Variants in SKAP1 observed in about 807,000 individuals in gnomAD.
The protein encoded by SKAP1 is src kinase-associated phosphoprotein 1.
SKAP1 carries 44 observed loss-of-function variants against 58.5 expected under a neutral mutation model. The ratio of observed to expected loss-of-function variants is 0.75; its 90% CI spans 0.59 to 0.97. The LOEUF (loss-of-function observed/expected upper bound fraction) is 0.97. SKAP1 is among the 50% of genes least tolerant of loss of function. The pLI is 0.00. For missense variants in SKAP1, 390 were observed against 435.2 expected, an observed-to-expected ratio of 0.90 and a Z score of 0.92; for synonymous variants, 127 against 149.7, an observed-to-expected ratio of 0.85 and a Z score of 1.11.
intron 4 of SKAP1, among the ~76,000 whole-genome samples, chr17:48,223,086 A>T (rs936526806): frequency 6.9e-5 from 10 of 145,956 alleles, no homozygotes; most frequent in Admixed American, 6.8e-4. Flanking sequence ...AAAAAAAAAA[A>T]GCCCTCTTAA....
chr17:48,291,969 G>A (rs1022029838), intron 4 of SKAP1, among the ~76,000 whole-genome samples: 1 of 151,986 alleles, frequency 6.6e-6, no homozygotes, highest in African/African-American at 2.4e-5. Context: ...TGTTAGCTTT[G>A]GAGATCCACT....
chr17:48,257,628 C>CTTTTTTTTTTTTTTTTT (rs56225931), intron 4 of SKAP1, among the ~76,000 whole-genome samples: 3 of 111,150 alleles, frequency 2.7e-5, no homozygotes, highest in East Asian at 3.0e-4. Flanking sequence ...TTCTTTCTTT[C>CTTTTTTTTTTTTTTTTT]TTTTTTTTTT....
At chr17:48,162,746 G>A (rs1447214066) in intron 10 of SKAP1, 177 bp from the exon 11 acceptor site, 1 of 504,944 alleles carries the variant, frequency 2.0e-6, no homozygotes, top group Non-Finnish European at 3.5e-6. Context: ...TATGGGAGAA[G>A]GAGATCATTA....
rs1013864040 is a variant in SKAP1 at position 48,304,717 on chromosome 17, C to T, written c.280+41188G>A. ...GTAGTATTTGTTTTCCAAAGACAAG[C>T]TATGGGAAGTCTTGTTTTCCAAGGC... On this transcript the variant is annotated intron_variant, in intron 4 of 12. Transcript: ENST00000336915. Among the ~76,000 whole-genome samples, 3 of 152,142 alleles carry T rather than the reference C, an allele frequency of 2.0e-5. No individual in the cohort carries two copies. The East Asian group carries it at 5.8e-4, about 29-fold the overall frequency.
chr17:48,212,943 T>C (rs924574861), intron 4 of SKAP1, among the ~76,000 whole-genome samples: 1 of 152,202 alleles, frequency 6.6e-6, no homozygotes. Flanking sequence ...TTCTGTTCCA[T>C]GTCTAGTTGA....
chr17:48,287,079 A>G (rs1239402072), intron 4 of SKAP1, among the ~76,000 whole-genome samples: 3 of 150,948 alleles, frequency 2.0e-5, no homozygotes, highest in Non-Finnish European at 4.4e-5. Context: ...TCTGGGCGAC[A>G]GAGCAAGACT....
At chr17:48,385,354 TA>T (rs2067262873) in intron 2 of SKAP1, among the ~76,000 whole-genome samples, 2 of 151,804 alleles carry the variant, frequency 1.3e-5, no homozygotes. Flanking sequence ...AGACAGTAGC[TA>T]AAGAGGGAAT....
chr17:48,200,570 G>T (rs1446151002), intron 4 of SKAP1, among the ~76,000 whole-genome samples: 1 of 152,020 alleles, frequency 6.6e-6, no homozygotes, highest in Non-Finnish European at 1.5e-5. Context: ...TAGAGACGGG[G>T]TTTCACCATG....
intron 4 of SKAP1, among the ~76,000 whole-genome samples, chr17:48,336,002 T>C (rs969627369): frequency 2.0e-5 from 3 of 152,178 alleles, no homozygotes; most frequent in Non-Finnish European, 4.4e-5. Context: ...AACTTACATA[T>C]CTTAGCCTTC....
intron 4 of SKAP1, among the ~76,000 whole-genome samples, chr17:48,236,834 G>A (rs915070098): frequency 1.3e-5 from 2 of 152,172 alleles, no homozygotes; most frequent in African/African-American, 4.8e-5. Context: ...GAGAGTCACA[G>A]GAAATGAGGT....
At chr17:48,288,172 T>TA (rs779754130) in intron 4 of SKAP1, among the ~76,000 whole-genome samples, 13 of 152,232 alleles carry the variant, frequency 8.5e-5, no homozygotes, top group South Asian at 2.1e-4. Context: ...AGACAAGTGG[T>TA]AACATTTAAT....
At chr17:48,353,295 A>C (rs940357211) in intron 3 of SKAP1, among the ~76,000 whole-genome samples, 1 of 152,154 alleles carries the variant, frequency 6.6e-6, no homozygotes, top group Non-Finnish European at 1.5e-5. Flanking sequence ...TATAGCATTG[A>C]CCTGGCTTGG....
intron 10 of SKAP1, among the ~76,000 whole-genome samples, chr17:48,165,369 C>CTTTCT (rs1212832597): frequency 7.1e-6 from 1 of 140,078 alleles, no homozygotes; most frequent in Non-Finnish European, 1.5e-5. Flanking sequence ...GGAGACTTTG[C>CTTTCT]TTTCTTTTCT....
intron 4 of SKAP1, among the ~76,000 whole-genome samples, chr17:48,302,947 G>A (rs545610161): frequency 4.6e-4 from 70 of 152,226 alleles, no homozygotes; most frequent in African/African-American, 1.6e-3. Flanking sequence ...TTAAAAGAGT[G>A]AGCTGTGTTT....
intron 4 of SKAP1, among the ~76,000 whole-genome samples, chr17:48,201,887 T>C (rs1055903033): frequency 6.6e-6 from 1 of 152,258 alleles, no homozygotes; most frequent in Admixed American, 6.5e-5. Flanking sequence ...CTATAGACTT[T>C]GAGTGGCTGA....
intron 1 of SKAP1, among the ~76,000 whole-genome samples, chr17:48,427,480 T>A (rs1056849521): frequency 2.0e-5 from 3 of 152,088 alleles, no homozygotes; most frequent in Non-Finnish European, 4.4e-5. Flanking sequence ...TTTTTAGAAG[T>A]GAGGTTTCTA....
intron 10 of SKAP1, among the ~76,000 whole-genome samples, chr17:48,165,973 C>T (rs1308928357): frequency 6.6e-5 from 10 of 152,070 alleles, no homozygotes; most frequent in South Asian, 2.1e-4. Flanking sequence ...AATGTCTCTC[C>T]GAAAAACATA....
chr17:48,187,887 C>T lies in SKAP1; in HGVS notation c.398G>A (p.Cys133Tyr). 6.2e-7 allele frequency: 1 copy of T among 1,614,066 alleles called. No individual in the cohort carries two copies. Among genetic ancestry groups the T allele is most frequent in the Non-Finnish European group, 8.5e-7 (1 of 1,179,934 alleles). The change falls in exon 6 of 13, where the codon TGT (cysteine) becomes TAT (tyrosine). Residue 133 changes from cysteine (C) to tyrosine (Y), a missense_variant. Transcript: ENST00000336915. ...FFGSEWQKRW[C>Y]VVSRGLFYYY... ...GTAGAAGAGACCTCTGCTGACAACA[C>T]ACCATCGCTTCTGCCACTCCGATCC... is the stretch of plus-strand genomic sequence containing the variant.
At chr17:48,154,192 C>T (rs939275241) in intron 11 of SKAP1, among the ~76,000 whole-genome samples, 18 of 152,190 alleles carry the variant, frequency 1.2e-4, no homozygotes, top group Non-Finnish European at 2.4e-4. Context: ...GGTGTGCTGG[C>T]GCAGGCCTGC....
Sources: gnomAD v4.1 joint callset for allele counts (sites outside exome capture counted in the v4.1 genomes callset) on GRCh38, gnomAD v4.1.1 for gene constraint, MANE v1.5 for transcripts, NCBI Gene and HGNC (gene_info 2026-07-23, HGNC 2026-07-21) for gene names.